Variants in DPP4 observed in about 807,000 individuals in gnomAD.
The protein encoded by DPP4 is dipeptidyl peptidase 4.
A neutral mutation model predicts 122.4 loss-of-function variants in DPP4; 93 were observed. That is an observed-to-expected ratio of 0.76 (90% CI 0.64 to 0.90). DPP4 has a LOEUF of 0.90. Ranked by LOEUF, DPP4 falls within the 40% of genes least tolerant of loss-of-function variation. The probability of loss-of-function intolerance (pLI) is 0.00; values close to 1 mark genes in which losing one functional copy is unlikely to be tolerated. For synonymous variants in DPP4, 321 were observed against 302.9 expected (o/e 1.06, Z -0.62); for missense variants, 914 against 907.3 (o/e 1.01, Z -0.09).
chr2:162,009,798 T>A (rs1000327471), intron 20 of DPP4, among the ~76,000 whole-genome samples: 1 of 152,100 alleles, frequency 6.6e-6, no homozygotes, highest in Admixed American at 6.6e-5. Flanking sequence ...TCCCTTCTTA[T>A]GCTGGGTGTT....
At chr2:162,009,093 TG>T in intron 21 of DPP4, 147 bp downstream of exon 21, 1 of 774,948 alleles carries the variant, frequency 1.3e-6, no homozygotes, top group Non-Finnish European at 2.1e-6. Context: ...CCTAACTCAG[TG>T]GAGATTCTGC....
chr2:162,020,897 G>A (rs1420074238), intron 12 of DPP4, among the ~76,000 whole-genome samples: 1 of 152,182 alleles, frequency 6.6e-6, no homozygotes, highest in Non-Finnish European at 1.5e-5. Flanking sequence ...TTCGTGAGCA[G>A]TAAATGAGAG....
In DPP4 at chr2:162,074,132, C is replaced by CTAATACCA; in HGVS notation, c.-152_-151insTGGTATTA. The CTAATACCA allele has an allele frequency of 7.1e-7, 1 of 1,400,312 alleles. No individual in the cohort carries two copies. The highest frequency in any genetic ancestry group is 9.3e-7 in the Non-Finnish European group (1 of 1,077,384). 86.7% of individuals were successfully genotyped at this position (1,400,312 alleles called of 1,614,324 possible). A position where few individuals can be genotyped will look rare whatever the true frequency, so the allele number is the denominator to read the frequency against. ...CGGCCCCGAGTTAAACATTAGTGAGCGCCGAGCCCGCTGGGTATAAAGGCG... is the reference window on the plus strand; with the variant it reads ...CGGCCCCGAGTTAAACATTAGTGAGCTAATACCAGCCGAGCCCGCTGGGTATAAAGGCG... On this transcript the variant is annotated 5_prime_UTR_variant, in exon 1 of 26. Transcript: ENST00000360534.
chr2:162,024,310 C>T (rs1343431627), intron 11 of DPP4, among the ~76,000 whole-genome samples: 9 of 152,228 alleles, frequency 5.9e-5, no homozygotes, highest in African/African-American at 2.2e-4. Flanking sequence ...AGGATTGCCA[C>T]CCTCTCAGAC....
At chr2:162,036,932 T>G (rs1683797202) in intron 8 of DPP4, among the ~76,000 whole-genome samples, 1 of 152,200 alleles carries the variant, frequency 6.6e-6, no homozygotes, top group Non-Finnish European at 1.5e-5. Flanking sequence ...ACCCATTGAT[T>G]CTGGTCTATA....
chr2:162,064,028 A>G (rs764619062), intron 2 of DPP4, among the ~76,000 whole-genome samples: 19 of 152,096 alleles, frequency 1.2e-4, no homozygotes, highest in Non-Finnish European at 2.6e-4. Flanking sequence ...CATTCCTCTA[A>G]CTTGGGAGGG....
intron 18 of DPP4, among the ~76,000 whole-genome samples, chr2:162,015,737 G>T (rs1313489416): frequency 6.6e-6 from 1 of 151,992 alleles, no homozygotes; most frequent in Non-Finnish European, 1.5e-5. Context: ...CTACTAATGT[G>T]GCTTCCGTGA....
intron 19 of DPP4, among the ~76,000 whole-genome samples, chr2:162,012,643 T>A (rs892610438): frequency 7.2e-5 from 11 of 152,042 alleles, no homozygotes; most frequent in Non-Finnish European, 1.5e-4. Flanking sequence ...CAGGCTACCA[T>A]CTACCCTACA....
At chr2:162,045,912 G>A (rs1684156666) in intron 4 of DPP4, among the ~76,000 whole-genome samples, 1 of 152,198 alleles carries the variant, frequency 6.6e-6, no homozygotes, top group Non-Finnish European at 1.5e-5. Flanking sequence ...GCCAGGCATG[G>A]GAAAGGACGT....
chr2:162,034,973 C>T (rs965891673), intron 9 of DPP4, among the ~76,000 whole-genome samples, 191 bp downstream of exon 9: 1 of 152,062 alleles, frequency 6.6e-6, no homozygotes, highest in Non-Finnish European at 1.5e-5. Flanking sequence ...AATTACAAAA[C>T]CTTAAATCAC....
chr2:162,034,811 C>T (rs73971536), intron 9 of DPP4, among the ~76,000 whole-genome samples: 3,719 of 152,256 alleles, frequency 0.024, 155 homozygotes, highest in African/African-American at 0.085. Flanking sequence ...GCAACTTCGT[C>T]GAGGGCACAA....
intron 13 of DPP4, 53 bp from the exon 14 acceptor site, chr2:162,020,349 T>C: frequency 1.5e-6 from 2 of 1,341,718 alleles, no homozygotes; most frequent in Non-Finnish European, 2.1e-6. Context: ...TTAGAGACTC[T>C]CTCTGTTCAA....
Sources: gnomAD v4.1 joint callset for allele counts (sites outside exome capture counted in the v4.1 genomes callset) on GRCh38, gnomAD v4.1.1 for gene constraint, MANE v1.5 for transcripts, NCBI Gene and HGNC (gene_info 2026-07-23, HGNC 2026-07-21) for gene names.